The following SV2C variants were observed in gnomAD, a reference collection of about 807,000 sequenced individuals.
SV2C encodes solute carrier family 22 member B3.
Under a neutral mutation model 79.7 loss-of-function variants are expected in SV2C, and 49 were observed. The observed-to-expected ratio is 0.61, with a 90% CI of 0.49 to 0.78. The LOEUF is 0.78. Ranked by LOEUF, SV2C falls within the 30% of genes least tolerant of loss-of-function variation. SV2C has a pLI of 0.00. For missense variants in SV2C, 833 were observed against 912.9 expected (o/e 0.91, Z 1.13); for synonymous variants, 334 against 333.2 (o/e 1.00, Z -0.03).
At chr5:76,242,743 G>A (rs1356472935) in intron 4 of SV2C, among the ~76,000 whole-genome samples, 8 of 152,082 alleles carry the variant, frequency 5.3e-5, no homozygotes, top group African/African-American at 1.2e-4. Flanking sequence ...TCAAGAAAAC[G>A]AAGATGATGC....
Position 76,300,644 on chromosome 5 carries a change from C to G in SV2C, c.1637-85C>G. ...CTCAAGGAATTTACAATACTGGTTT[C>G]CTCTCCGAATCCTCCATAGGCTTTC... On this transcript the variant is annotated intron_variant, in intron 10 of 12. Coordinates refer to ENST00000502798, the MANE Select transcript of SV2C (RefSeq NM_014979.4). 3 of 1,406,134 alleles carry G rather than the reference C, an allele frequency of 2.1e-6. No individual in the cohort carries two copies. In the South Asian group the frequency reaches 3.8e-5, roughly 18 times the overall value. The allele number at this position is 1,406,134 out of a possible 1,614,324, so 87.1% of individuals were successfully genotyped here.
intron 1 of SV2C, among the ~76,000 whole-genome samples, chr5:76,098,441 A>C (rs928987614): frequency 1.3e-5 from 2 of 152,246 alleles, no homozygotes; most frequent in Non-Finnish European, 2.9e-5. Flanking sequence ...GATGCTGCTC[A>C]GTGGGCCTTT....
the SV2C span, among the ~76,000 whole-genome samples, chr5:75,901,746 T>A: frequency 1.4e-4 from 21 of 152,364 alleles, no homozygotes; most frequent in East Asian, 4.1e-3. Flanking sequence ...TCCACCCAGT[T>A]GGAGCTTCCC....
the SV2C span, among the ~76,000 whole-genome samples, chr5:75,942,124 C>A: frequency 6.6e-6 from 1 of 152,190 alleles, no homozygotes; most frequent in Admixed American, 6.5e-5. Flanking sequence ...GGAGGGTGAA[C>A]AAGAACTTAT....
chr5:75,858,815 G>A, the SV2C span, among the ~76,000 whole-genome samples: 1 of 151,974 alleles, frequency 6.6e-6, no homozygotes, highest in African/African-American at 2.4e-5. Context: ...ATTTCTTCAT[G>A]GTTCACTCTT....
chr5:76,293,903 G>A lies in SV2C; in HGVS notation c.1338-1875G>A, dbSNP rs141148269. Among the ~76,000 whole-genome samples the A allele has an allele frequency of 7.7e-3, 1,173 of 152,300 alleles. 21 individuals are homozygous for A. The highest frequency in any genetic ancestry group is 0.027 in the African/African-American group (1,121 of 41,544). The stretch of plus-strand genomic sequence containing the variant: ...GCCCAAGTTTAGGCAGCTAGTAAGC[G>A]ACAAGACCAGGATTCAAACCCAGCC... On this transcript the variant is annotated intron_variant, in intron 8 of 12. Transcript: ENST00000502798.
At chr5:76,309,650 G>T (rs1748346850) in intron 12 of SV2C, among the ~76,000 whole-genome samples, 1 of 148,502 alleles carries the variant, frequency 6.7e-6, no homozygotes, top group Non-Finnish European at 1.5e-5. Flanking sequence ...GAAAAATGTA[G>T]GTTGGAAAGG....
chr5:76,123,548 C>A (rs1294120742), intron 1 of SV2C, among the ~76,000 whole-genome samples: 2 of 152,190 alleles, frequency 1.3e-5, no homozygotes. Context: ...TGGGCTTCAT[C>A]CCTGGGATAC....
At chr5:76,339,421 G>A (rs1749394409) in intron 12 of SV2C, among the ~76,000 whole-genome samples, 2 of 152,006 alleles carry the variant, frequency 1.3e-5, no homozygotes, top group African/African-American at 2.4e-5. Context: ...TTTTTTTTAA[G>A]ATTTCTCATT....
chr5:76,108,321 G>A (rs1350178711), intron 1 of SV2C, among the ~76,000 whole-genome samples: 2 of 152,180 alleles, frequency 1.3e-5, no homozygotes, highest in African/African-American at 4.8e-5. Context: ...AATGTGGCCA[G>A]TTAAAAGAGA....
chr5:75,924,530 T>G, the SV2C span, among the ~76,000 whole-genome samples: 82,399 of 151,976 alleles, frequency 0.54, 22,589 homozygotes, highest in East Asian at 0.65. Context: ...CTAATAAATG[T>G]CAAGCCCATG....
chr5:76,301,579 C>T, intron 12 of SV2C, 34 bp downstream of exon 12: 1 of 1,594,010 alleles, frequency 6.3e-7, no homozygotes, highest in Non-Finnish European at 8.6e-7. Context: ...AAGAGGCACT[C>T]TAAGCCCTGT....
intron 2 of SV2C, among the ~76,000 whole-genome samples, chr5:76,183,272 G>A (rs949452624): frequency 6.6e-6 from 1 of 151,750 alleles, no homozygotes; most frequent in Non-Finnish European, 1.5e-5. Context: ...TGGTCTGCCC[G>A]CCTTGGTCTC....
intron 4 of SV2C, among the ~76,000 whole-genome samples, chr5:76,262,894 G>C (rs886632872): frequency 1.3e-5 from 2 of 152,158 alleles, no homozygotes; most frequent in African/African-American, 4.8e-5. Flanking sequence ...GTGCTGAGAA[G>C]AATACATATT....
At chr5:76,024,238 T>C in the SV2C span, among the ~76,000 whole-genome samples, 6 of 152,178 alleles carry the variant, frequency 3.9e-5, no homozygotes, top group Non-Finnish European at 5.9e-5. Context: ...CCTAACAGCT[T>C]GTAGCAATTT....
At chr5:75,994,626 T>C in the SV2C span, among the ~76,000 whole-genome samples, 2 of 152,130 alleles carry the variant, frequency 1.3e-5, no homozygotes, top group African/African-American at 4.8e-5. Flanking sequence ...TTAGTATCAA[T>C]AAATTCATTT....
chr5:76,248,682 G>A (rs1469253024), intron 4 of SV2C, among the ~76,000 whole-genome samples: 6 of 151,006 alleles, frequency 4.0e-5, no homozygotes, highest in Non-Finnish European at 8.8e-5. Context: ...GCAGTGGTGC[G>A]ATCTTGGCTC....
chr5:76,267,077 A>G (rs1053002264), intron 4 of SV2C, among the ~76,000 whole-genome samples: 9 of 152,240 alleles, frequency 5.9e-5, no homozygotes, highest in African/African-American at 2.2e-4. Flanking sequence ...AATGTCCACC[A>G]CACGGTGATT....
At chr5:76,010,572 C>T in the SV2C span, among the ~76,000 whole-genome samples, 2 of 151,966 alleles carry the variant, frequency 1.3e-5, no homozygotes. Context: ...TGCCGATCAA[C>T]TTTTGGGGAA....
Sources: allele counts gnomAD v4.1 joint callset (sites outside exome capture counted in the v4.1 genomes callset), GRCh38; gene constraint gnomAD v4.1.1; transcripts MANE v1.5; gene names NCBI Gene and HGNC (gene_info 2026-07-23, HGNC 2026-07-21).